Variants in PLEKHA6 observed in about 807,000 individuals in gnomAD.
PLEKHA6 encodes the protein pleckstrin homology domain-containing family A member 6.
In PLEKHA6, 60 loss-of-function variants were observed where a neutral mutation model predicts 116.7. The observed-to-expected ratio is 0.51, with a 90% CI of 0.42 to 0.64. The LOEUF is 0.64. PLEKHA6 is among the 30% of genes least tolerant of loss of function. The pLI, the probability that PLEKHA6 is intolerant of heterozygous loss-of-function variation, is 0.00. For missense variants in PLEKHA6, 1,338 were observed against 1,422.7 expected, an observed-to-expected ratio of 0.94 and a Z score of 0.96; for synonymous variants, 489 against 556.1, an observed-to-expected ratio of 0.88 and a Z score of 1.70.
chr1:204,259,647 C>A lies in PLEKHA6; in HGVS notation c.618G>T (p.Lys206Asn), dbSNP rs772187511. 6.2e-7 allele frequency: 1 copy of A among 1,614,182 alleles called. No homozygotes were observed. Among genetic ancestry groups the A allele is most frequent in the African/African-American group, 1.3e-5 (1 of 75,066 alleles). ...CTCGGCCATCACCCTCCCCTCGAGT[C>A]TTGGCCTCTGGCTCAGGCTTAGGGA... Reference protein sequence around the residue: ...NSLPKPEPEAKTRGEGDGRGC... With the variant: ...NSLPKPEPEANTRGEGDGRGC... The change falls in exon 8 of 23, where the codon AAG (lysine) becomes AAT (asparagine). Residue 206 changes from lysine (K) to asparagine (N), a missense_variant. Physicochemically the swap from Lys to Asn is moderately conservative, Grantham distance 94. This residue lies in a region of PLEKHA6 where 1,136 missense variants were observed against 1,163.6 expected (regional missense o/e 0.98). Transcript: ENST00000272203. This position sits in a 1 kb window ranked among gnomAD's most constrained non-coding sequence, Gnocchi z 4.6.
intron 21 of PLEKHA6, among the ~76,000 whole-genome samples, chr1:204,226,605 CT>C (rs982974885): frequency 6.6e-6 from 1 of 152,150 alleles, no homozygotes; most frequent in African/African-American, 2.4e-5. Context: ...TGCCTTTTGG[CT>C]GCAGGATGGG....
chr1:204,236,361 G>T (rs2102500918), intron 17 of PLEKHA6, among the ~76,000 whole-genome samples: 1 of 152,248 alleles, frequency 6.6e-6, no homozygotes, highest in East Asian at 1.9e-4. Context: ...AGGGAGACTG[G>T]GATGGTGGAG....
At chr1:204,361,182 C>T (rs1673550052), upstream of PLEKHA6, among the ~76,000 whole-genome samples, 1 of 152,166 alleles carries the variant, frequency 6.6e-6, no homozygotes, top group African/African-American at 2.4e-5. Flanking sequence ...CAAGGCCCCA[C>T]TCACCTGGTG....
At position 204,240,522 on chromosome 1, in the gene PLEKHA6, T is replaced by C. The variant is rs575039579; in HGVS notation, c.2409+853A>G. ...GGAAATATCTTTATTTCATTTCCTT[T>C]TCCTTTATCATATGACATAGGATTT... On this transcript the variant is annotated intron_variant, in intron 17 of 22. Coordinates refer to ENST00000272203, the MANE Select transcript of PLEKHA6 (RefSeq NM_014935.5). Among the ~76,000 whole-genome samples the C allele has an allele frequency of 1.3e-4, 20 of 152,364 alleles. No individual in the cohort carries two copies. The South Asian group carries it at 2.1e-3, about 16-fold the overall frequency.
intron 1 of PLEKHA6, among the ~76,000 whole-genome samples, chr1:204,280,047 G>A (rs1470034414): frequency 6.6e-6 from 1 of 152,160 alleles, no homozygotes; most frequent in Non-Finnish European, 1.5e-5. Flanking sequence ...CGTGTATGGG[G>A]CACAGGCTGG....
chr1:204,259,428 C>A lies in PLEKHA6; in HGVS notation c.837G>T (p.Arg279=), dbSNP rs1482461832. Residue 279 remains arginine, a synonymous_variant, in exon 8 of 23, where the codon CGG becomes CGT. Transcript: ENST00000272203. The surrounding 1 kb of genome is among the most constrained non-coding windows in gnomAD (Gnocchi z 4.6). ...GAGACGGGAAAGCTGTGCTCCCTGG[C>A]CGGCTTGGGGAGTGGTACTGCCAGC... The part of the protein sequence containing the change: ...PNGWQYHSPS[R]PGSTAFPSQD... 6.2e-7 allele frequency: 1 copy of A among 1,614,230 alleles called. No homozygotes were observed. Among genetic ancestry groups the A allele is most frequent in the Non-Finnish European group, 8.5e-7 (1 of 1,180,036 alleles).
intron 6 of PLEKHA6, among the ~76,000 whole-genome samples, chr1:204,263,006 T>C (rs1414660781): frequency 1.3e-5 from 2 of 152,114 alleles, no homozygotes; most frequent in African/African-American, 4.8e-5. Context: ...AGCAAATGAA[T>C]TCATCAATTC....
At chr1:204,265,255 T>A (rs980699070) in intron 5 of PLEKHA6, among the ~76,000 whole-genome samples, 1 of 152,216 alleles carries the variant, frequency 6.6e-6, no homozygotes, top group African/African-American at 2.4e-5. Context: ...GAGATGCTGT[T>A]CCAGACACTG....
chr1:204,283,240 A>T (rs1668825963), intron 1 of PLEKHA6, among the ~76,000 whole-genome samples: 1 of 151,842 alleles, frequency 6.6e-6, no homozygotes, highest in South Asian at 2.1e-4. Context: ...AGAGTTATGA[A>T]GCTGGCTGAT....
intron 21 of PLEKHA6, among the ~76,000 whole-genome samples, chr1:204,226,568 G>GCTTC (rs1660397353): frequency 6.6e-6 from 1 of 152,198 alleles, no homozygotes; most frequent in Non-Finnish European, 1.5e-5. Context: ...ACAGAGGCCT[G>GCTTC]CTTCCTTGTG....
In PLEKHA6 at chr1:204,267,490, G is replaced by A; in HGVS notation, c.265C>T (p.Leu89Phe). 6.2e-7 allele frequency: 1 copy of A among 1,614,052 alleles called. No homozygotes were observed. Among genetic ancestry groups the A allele is most frequent in the Non-Finnish European group, 8.5e-7 (1 of 1,179,966 alleles). Residue 89 changes from leucine (L) to phenylalanine (F), a missense_variant, in exon 5 of 23, where the codon CTC (leucine) becomes TTC (phenylalanine). Physicochemically the swap from Leu to Phe is conservative, Grantham distance 22. Around this residue, in one of 3 missense-constraint regions of PLEKHA6, gnomAD observed 140 missense variants for 197.4 expected, o/e 0.71. Transcript: ENST00000272203. ...CCAAGCTCACCTTTATAGTAGAAGA[G>A]GCAGCGATCCACCAGGACGAACCAG... ...KRWFVLVDRC[L>F]FYYKDEKEES...
intron 1 of PLEKHA6, among the ~76,000 whole-genome samples, chr1:204,350,783 C>G (rs544040363): frequency 4.2e-4 from 64 of 152,282 alleles, no homozygotes; most frequent in African/African-American, 1.5e-3. Context: ...CCTGAGCCGC[C>G]CTGTCAAATC....
At chr1:204,325,884 A>G (rs1200419075) in intron 1 of PLEKHA6, 3 of 983,688 alleles carry the variant, frequency 3.0e-6, no homozygotes, top group Non-Finnish European at 3.6e-6. Context: ...GAGAAGTAGT[A>G]GCTGCCATTT....
intron 1 of PLEKHA6, among the ~76,000 whole-genome samples, chr1:204,310,074 G>A (rs1242237808): frequency 6.6e-6 from 1 of 151,804 alleles, no homozygotes; most frequent in Non-Finnish European, 1.5e-5. Flanking sequence ...TTAGCTTAAG[G>A]GTCACGCAAA....
At position 204,319,304 on chromosome 1, in the gene PLEKHA6, C is replaced by T. The variant is rs115097459; in HGVS notation, c.-95+40390G>A. ...ACTGTTTCCTCCAAAATTCCGTGTC[C>T]TATTCACTGTCCTTACAAATGAGAG... On this transcript the variant is annotated intron_variant, in intron 1 of 22. Coordinates refer to ENST00000272203, the MANE Select transcript of PLEKHA6 (RefSeq NM_014935.5). Among the ~76,000 whole-genome samples, 1,247 of 152,334 alleles carry T rather than the reference C, an allele frequency of 8.2e-3. 18 individuals carry two copies. Among genetic ancestry groups the T allele is most frequent in the African/African-American group, 0.028 (1,155 of 41,568 alleles).
intron 1 of PLEKHA6, among the ~76,000 whole-genome samples, chr1:204,339,500 G>C (rs1379547124): frequency 6.6e-6 from 1 of 152,238 alleles, no homozygotes; most frequent in African/African-American, 2.4e-5. Flanking sequence ...AAGAGGAATT[G>C]TGTGCTGGGA....
chr1:204,248,277 G>A (rs1016259167), intron 12 of PLEKHA6, among the ~76,000 whole-genome samples: 4 of 149,384 alleles, frequency 2.7e-5, no homozygotes, highest in African/African-American at 9.9e-5. Context: ...TCCTGCCTCA[G>A]CCTCCTATCT....
Position 204,273,737 on chromosome 1 carries a change from C to G in PLEKHA6, c.-10G>C. On this transcript the variant is annotated 5_prime_UTR_variant, in exon 3 of 23. Coordinates refer to ENST00000272203, the MANE Select transcript of PLEKHA6 (RefSeq NM_014935.5). ...CTGTTTTATTGGACATGTCCAAGGT[C>G]GATCTGATTTCAAGTCGACCAGAGA... 6.2e-7 allele frequency: 1 copy of G among 1,605,012 alleles called. No individual in the cohort carries two copies. The highest frequency in any genetic ancestry group is 1.1e-5 in the South Asian group (1 of 90,874).
intron 1 of PLEKHA6, among the ~76,000 whole-genome samples, chr1:204,281,980 G>T (rs529802227): frequency 1.3e-5 from 2 of 152,318 alleles, no homozygotes; most frequent in African/African-American, 4.8e-5. Context: ...ACCACAGGCA[G>T]AAGATAGAAG....
Sources: gnomAD v4.1 joint callset for allele counts (sites outside exome capture counted in the v4.1 genomes callset) on GRCh38, gnomAD v4.1.1 for gene constraint, gnomAD v4.1.1 regional missense constraint, Gnocchi (gnomAD v3.1) non-coding constraint, MANE v1.5 for transcripts, NCBI Gene and HGNC (gene_info 2026-07-23, HGNC 2026-07-21) for gene names.